Variants in MED13 observed in about 807,000 individuals in gnomAD.
MED13 encodes mediator complex subunit 13.
MED13 carries 23 observed loss-of-function variants against 225.2 expected under a neutral mutation model. The observed-to-expected ratio is 0.10, with a 90% CI of 0.07 to 0.14. The LOEUF (loss-of-function observed/expected upper bound fraction) is 0.14. MED13 is among the 10% of genes least tolerant of loss of function. The pLI is 1.00. For missense variants in MED13, 2,197 were observed against 2,594.5 expected (o/e 0.85, Z 3.33); for synonymous variants, 942 against 889.2 (o/e 1.06, Z -1.06).
chr17:61,961,171 C>A, intron 22 of MED13, 81 bp from the exon 23 acceptor site: 2 of 1,170,612 alleles, frequency 1.7e-6, no homozygotes, highest in South Asian at 3.0e-5. Flanking sequence ...TCTTATCTAC[C>A]CAATTATAAG....
chr17:61,965,738 T>C (rs1404399582), intron 19 of MED13, among the ~76,000 whole-genome samples: 4 of 152,226 alleles, frequency 2.6e-5, no homozygotes, highest in African/African-American at 9.6e-5. Context: ...TTCTATTTTC[T>C]AAGTATAATT....
chr17:62,015,825 CTATATATAT>C (rs1567979295), intron 8 of MED13, among the ~76,000 whole-genome samples: 24 of 89,286 alleles, frequency 2.7e-4, no homozygotes, highest in African/African-American at 7.6e-4. Flanking sequence ...TACATACACA[CTATATATAT>C]ACACACACAC....
chr17:62,054,452 A>T (rs959192318), intron 2 of MED13, among the ~76,000 whole-genome samples: 3 of 152,246 alleles, frequency 2.0e-5, no homozygotes, highest in African/African-American at 7.2e-5. Flanking sequence ...ACATTCTATT[A>T]TATCAAAGAC....
rs567597269 is a variant in MED13, at chr17:62,012,557, C to T, written c.1284-1324G>A. 4.6e-5 allele frequency among the ~76,000 whole-genome samples: 7 copies of T among 151,564 alleles called. No individual in the cohort carries two copies. In the South Asian group the frequency reaches 8.3e-4, roughly 18 times the overall value. Reference sequence around the variant, plus strand: ...GTTGGTCAGGCTGGTCCTGAACTCCCGACCTCAGGAGATCTGCCCACCTCG... The same window carrying T: ...GTTGGTCAGGCTGGTCCTGAACTCCTGACCTCAGGAGATCTGCCCACCTCG... On this transcript the variant is annotated intron_variant, in intron 8 of 29. Transcript: ENST00000397786.
intron 15 of MED13, 120 bp from the exon 16 acceptor site, chr17:61,983,234 A>G (rs527271385): frequency 1.3e-6 from 1 of 786,646 alleles, no homozygotes; most frequent in South Asian, 2.1e-5. Context: ...ATGAAAGGAC[A>G]AGTATTGCAA....
chr17:61,992,406 C>T, intron 11 of MED13, 134 bp downstream of exon 11: 1 of 556,220 alleles, frequency 1.8e-6, no homozygotes. Context: ...ATAAACCCAT[C>T]ATTTAAGAAA....
chr17:62,064,378 TTCAA>T (rs1206283807), intron 1 of MED13, among the ~76,000 whole-genome samples: 1 of 152,122 alleles, frequency 6.6e-6, no homozygotes, highest in Non-Finnish European at 1.5e-5. Flanking sequence ...GACTTTCCAT[TTCAA>T]TCAAACAAGG....
intron 23 of MED13, among the ~76,000 whole-genome samples, chr17:61,957,626 G>A (rs987739476): frequency 6.6e-6 from 1 of 152,060 alleles, no homozygotes; most frequent in Admixed American, 6.6e-5. Context: ...AGGATTACAG[G>A]CGTGAGCCAC....
chr17:62,009,972 A>G (rs1347006626), intron 9 of MED13, among the ~76,000 whole-genome samples: 1 of 152,184 alleles, frequency 6.6e-6, no homozygotes, highest in Non-Finnish European at 1.5e-5. Flanking sequence ...CTGTAATCCC[A>G]ACACTTCAGG....
intron 26 of MED13, among the ~76,000 whole-genome samples, chr17:61,954,419 G>A (rs935759068): frequency 2.0e-5 from 3 of 152,114 alleles, no homozygotes; most frequent in Non-Finnish European, 4.4e-5. Flanking sequence ...TTCATGTACA[G>A]GTACCTCAAA....
At chr17:61,990,900 T>A (rs994476673) in intron 11 of MED13, among the ~76,000 whole-genome samples, 3 of 152,062 alleles carry the variant, frequency 2.0e-5, no homozygotes, top group African/African-American at 7.2e-5. Flanking sequence ...ATTAGTGGCC[T>A]CAGAACAGCT....
At chr17:62,030,208 G>T in intron 6 of MED13, 195 bp from the exon 7 acceptor site, 1 of 502,946 alleles carries the variant, frequency 2.0e-6, no homozygotes, top group Non-Finnish European at 3.4e-6. Context: ...GTACATCTCT[G>T]TAACCTACCA....
chr17:61,950,810 C>A lies in MED13; in HGVS notation c.6291+15G>T, dbSNP rs777199747. On this transcript the variant is annotated intron_variant, in intron 28 of 29. Transcript: ENST00000397786. ...AATCAGAATTATTTAGGAACTGGGA[C>A]AGAAATGGCAATACCTTAAGAAAAA... is the stretch of plus-strand genomic sequence containing the variant. 2 of 1,598,140 alleles carry A rather than the reference C, an allele frequency of 1.3e-6. No individual in the cohort carries two copies. Among genetic ancestry groups the A allele is most frequent in the African/African-American group, 1.3e-5 (1 of 74,314 alleles).
At chr17:62,026,310 T>A (rs1401659811) in intron 8 of MED13, among the ~76,000 whole-genome samples, 1 of 152,200 alleles carries the variant, frequency 6.6e-6, no homozygotes, top group Non-Finnish European at 1.5e-5. Flanking sequence ...ACCAATATAA[T>A]CCATTAGAAA....
chr17:61,980,936 G>A lies in MED13; in HGVS notation c.3805+1262C>T, dbSNP rs543713361. Among the ~76,000 whole-genome samples, 11 of 152,060 alleles carry A rather than the reference G, an allele frequency of 7.2e-5. No individual in the cohort carries two copies. The South Asian group carries it at 2.3e-3, about 32-fold the overall frequency. On this transcript the variant is annotated intron_variant, in intron 16 of 29. Transcript: ENST00000397786. ...TTTGTATTTTTCACCATATTGGGCA[G>A]GCTGGTCTCAAACTCCTGGCCTCAT...
intron 3 of MED13, among the ~76,000 whole-genome samples, chr17:62,044,232 TA>T (rs202062449): frequency 0.032 from 4,697 of 146,430 alleles, 117 homozygotes; most frequent in East Asian, 0.098. Flanking sequence ...TTTACTTCCT[TA>T]AAAAAAAAAA....
chr17:62,061,622 T>G (rs1371672966), intron 2 of MED13, among the ~76,000 whole-genome samples: 8 of 152,162 alleles, frequency 5.3e-5, no homozygotes, highest in Admixed American at 2.0e-4. Context: ...GTAAGGTGAT[T>G]TTTATGACCA....
At chr17:62,022,433 A>C (rs1362055478) in intron 8 of MED13, among the ~76,000 whole-genome samples, 1 of 152,074 alleles carries the variant, frequency 6.6e-6, no homozygotes, top group Non-Finnish European at 1.5e-5. Flanking sequence ...ATGATTACAT[A>C]AACTATGATA....
intron 5 of MED13, among the ~76,000 whole-genome samples, chr17:62,031,842 T>C (rs2143680140): frequency 6.6e-6 from 1 of 151,764 alleles, no homozygotes; most frequent in African/African-American, 2.4e-5. Context: ...TAAACCACAA[T>C]AAGCTGTCAG....
Sources: allele counts gnomAD v4.1 joint callset (sites outside exome capture counted in the v4.1 genomes callset), GRCh38; gene constraint gnomAD v4.1.1; transcripts MANE v1.5; gene names NCBI Gene and HGNC (gene_info 2026-07-23, HGNC 2026-07-21).